Variants in LRRC8D observed in about 807,000 individuals in gnomAD.
LRRC8D encodes the protein leucine rich repeat containing 8 VRAC subunit D, also known as volume-regulated anion channel subunit LRRC8D.
A neutral mutation model predicts 55.8 loss-of-function variants in LRRC8D; 20 were observed. The ratio of observed to expected loss-of-function variants is 0.36; its 90% CI spans 0.25 to 0.52. The LOEUF (loss-of-function observed/expected upper bound fraction) is 0.52. Among genes scored for constraint, LRRC8D ranks in the 20% least tolerant of loss-of-function variants. LRRC8D has a pLI of 0.93. For synonymous variants in LRRC8D, 352 were observed against 377.0 expected, an observed-to-expected ratio of 0.93 and a Z score of 0.77; for missense variants, 651 against 1,030.8, an observed-to-expected ratio of 0.63 and a Z score of 5.05.
chr1:89,868,811 T>G (rs1279734821), intron 2 of LRRC8D, among the ~76,000 whole-genome samples: 1 of 152,206 alleles, frequency 6.6e-6, no homozygotes, highest in African/African-American at 2.4e-5. Flanking sequence ...CACAAAAATG[T>G]CTTTCTTATT....
chr1:89,835,465 T>C (rs1366176193), intron 1 of LRRC8D, among the ~76,000 whole-genome samples: 1 of 152,252 alleles, frequency 6.6e-6, no homozygotes, highest in Non-Finnish European at 1.5e-5. Context: ...ATGTATTTCC[T>C]GTTCAAATCT....
intron 1 of LRRC8D, chr1:89,843,214 G>A (rs1207584235): frequency 6.4e-6 from 1 of 155,652 alleles, no homozygotes; most frequent in African/African-American, 2.4e-5. Flanking sequence ...CACCTTCCCC[G>A]AGGTAATTAT....
chr1:89,833,233 C>T (rs1660925983), intron 1 of LRRC8D, among the ~76,000 whole-genome samples: 1 of 152,164 alleles, frequency 6.6e-6, no homozygotes. Context: ...CCTGATACTG[C>T]CTCCCCAAAC....
At chr1:89,901,291 C>A (rs1243342700) in intron 2 of LRRC8D, among the ~76,000 whole-genome samples, 1 of 152,174 alleles carries the variant, frequency 6.6e-6, no homozygotes, top group Non-Finnish European at 1.5e-5. Context: ...AAACAGGCAG[C>A]CAGGAAGCCA....
intron 2 of LRRC8D, among the ~76,000 whole-genome samples, chr1:89,847,677 C>T (rs1661314563): frequency 6.6e-6 from 1 of 152,100 alleles, no homozygotes; most frequent in East Asian, 1.9e-4. Context: ...AAAATGCCTT[C>T]TTAGTCAAAT....
intron 2 of LRRC8D, among the ~76,000 whole-genome samples, chr1:89,844,978 G>A (rs1383741447): frequency 1.3e-5 from 2 of 152,146 alleles, no homozygotes; most frequent in African/African-American, 2.4e-5. Context: ...CTAGAGGGGA[G>A]GAAAGTGAGA....
intron 2 of LRRC8D, among the ~76,000 whole-genome samples, chr1:89,876,839 A>G (rs1212079480): frequency 1.3e-5 from 2 of 152,210 alleles, no homozygotes; most frequent in African/African-American, 4.8e-5. Context: ...TTATAGACAA[A>G]GTTTGTTGGA....
At chr1:89,847,318 C>T (rs545510591) in intron 2 of LRRC8D, among the ~76,000 whole-genome samples, 1 of 152,180 alleles carries the variant, frequency 6.6e-6, no homozygotes, top group African/African-American at 2.4e-5. Flanking sequence ...CTATAACTTC[C>T]CCTCTGTAAA....
chr1:89,845,317 C>A (rs1161688595), intron 2 of LRRC8D, among the ~76,000 whole-genome samples: 1 of 152,152 alleles, frequency 6.6e-6, no homozygotes, highest in Non-Finnish European at 1.5e-5. Flanking sequence ...GAAAACTGAA[C>A]AATTAAACTT....
At position 89,933,171 on chromosome 1, in the gene LRRC8D, A is replaced by T. The variant is rs770235622; in HGVS notation, c.103A>T (p.Met35Leu). The change falls in exon 3 of 3, where the codon ATG (methionine) becomes TTG (leucine). Residue 35 changes from methionine (M) to leucine (L), a missense_variant. Transcript: ENST00000337338. The surrounding 1 kb of genome is among the most constrained non-coding windows in gnomAD (Gnocchi z 7.0). ...DVFMDYLAVV[M>L]LMVAIFAGTM... ...GTTTATGGATTACCTAGCTGTTGTT[A>T]TGTTAATGGTAGCCATCTTTGCAGG... 4 of 1,614,100 alleles carry T rather than the reference A, an allele frequency of 2.5e-6. No individual in the cohort carries two copies. The highest frequency in any genetic ancestry group is 2.2e-5 in the East Asian group (1 of 44,904).
At chr1:89,919,989 A>C (rs1663371156) in intron 2 of LRRC8D, among the ~76,000 whole-genome samples, 1 of 152,174 alleles carries the variant, frequency 6.6e-6, no homozygotes, top group Admixed American at 6.5e-5. Context: ...TAGCTTGTAG[A>C]AGAAACTGAG....
intron 1 of LRRC8D, among the ~76,000 whole-genome samples, chr1:89,823,233 A>G (rs998185636): frequency 3.9e-5 from 6 of 152,202 alleles, no homozygotes; most frequent in African/African-American, 1.2e-4. Context: ...CATATGATGC[A>G]ACACTTAAAG....
intron 1 of LRRC8D, among the ~76,000 whole-genome samples, chr1:89,827,214 G>T (rs1660784795): frequency 6.6e-6 from 1 of 151,990 alleles, no homozygotes; most frequent in Non-Finnish European, 1.5e-5. Context: ...AGCCAGATGT[G>T]GTGGTGGTGC....
chr1:89,824,382 T>C (rs1660716113), intron 1 of LRRC8D, among the ~76,000 whole-genome samples: 1 of 152,176 alleles, frequency 6.6e-6, no homozygotes, highest in Non-Finnish European at 1.5e-5. Context: ...TCATAGCAGA[T>C]GAGCACAGTA....
rs185400051 is a variant in LRRC8D at position 89,910,550 on chromosome 1, A to G, written c.-2-22517A>G. The stretch of plus-strand genomic sequence containing the variant: ...AGGGTTCCTTCTAGTGATTTTTTTT[A>G]ATTTGTAGAAGCAAATTTAATTTAA... On this transcript the variant is annotated intron_variant, in intron 2 of 2. Transcript: ENST00000337338. Among the ~76,000 whole-genome samples, 1,272 of 152,176 alleles carry G rather than the reference A, an allele frequency of 8.4e-3. 6 individuals carry two copies. The highest frequency in any genetic ancestry group is 0.014 in the Non-Finnish European group (973 of 67,990).
chr1:89,846,756 AT>A (rs1294926912), intron 2 of LRRC8D: 2 of 151,702 alleles, frequency 1.3e-5, no homozygotes, highest in Non-Finnish European at 2.9e-5. Context: ...CACCAGTGTG[AT>A]TTGTATTCTG....
intron 2 of LRRC8D, among the ~76,000 whole-genome samples, chr1:89,899,162 GT>G (rs1662785812): frequency 6.6e-6 from 1 of 152,164 alleles, no homozygotes; most frequent in Admixed American, 6.5e-5. Context: ...CACTAAGTTG[GT>G]ACCTCCGGGG....
chr1:89,856,304 A>G (rs955717874), intron 2 of LRRC8D, among the ~76,000 whole-genome samples: 4 of 152,172 alleles, frequency 2.6e-5, no homozygotes, highest in Admixed American at 2.0e-4. Flanking sequence ...CCATATTGAA[A>G]AAGGCATCTG....
At chr1:89,821,612 C>T (rs1042396923) in intron 1 of LRRC8D, among the ~76,000 whole-genome samples, 20 of 152,140 alleles carry the variant, frequency 1.3e-4, no homozygotes, top group African/African-American at 4.3e-4. Context: ...GCGCGCGCTC[C>T]CTTCTCTCAC....
Sources: gnomAD v4.1 joint callset for allele counts (sites outside exome capture counted in the v4.1 genomes callset) on GRCh38, gnomAD v4.1.1 for gene constraint, Gnocchi (gnomAD v3.1) non-coding constraint, MANE v1.5 for transcripts, NCBI Gene and HGNC (gene_info 2026-07-23, HGNC 2026-07-21) for gene names.